The following DMD variants were observed in gnomAD, a reference collection of about 807,000 sequenced individuals.
The protein encoded by DMD is mutant dystrophin.
In DMD, 63 loss-of-function variants were observed where a neutral mutation model predicts 330.1. That is an observed-to-expected ratio of 0.19 (90% confidence interval 0.16 to 0.24). The LOEUF (loss-of-function observed/expected upper bound fraction) is 0.24. Ranked by LOEUF, DMD falls within the 10% of genes least tolerant of loss-of-function variation. The probability of loss-of-function intolerance (pLI) is 1.00; values close to 1 mark genes in which losing one functional copy is unlikely to be tolerated. For synonymous variants in DMD, 1,223 were observed against 959.8 expected, an observed-to-expected ratio of 1.27 and a Z score of -5.07; for missense variants, 3,344 against 2,684.1, an observed-to-expected ratio of 1.25 and a Z score of -5.43.
chrX:31,748,091 A>G (rs1054896509), intron 51 of DMD, among the ~76,000 whole-genome samples: 1 of 111,667 alleles, frequency 9.0e-6, no homozygotes, highest in African/African-American at 3.3e-5. Flanking sequence ...CAGTATCTCA[A>G]TGTTCTCTGC....
intron 2 of DMD, among the ~76,000 whole-genome samples, chrX:32,930,643 G>C (rs2089503465): frequency 9.1e-6 from 1 of 110,257 alleles, no homozygotes; most frequent in Non-Finnish European, 1.9e-5. Context: ...CAGATACTAT[G>C]AAATTACATT....
chrX:31,481,922 A>T (rs914576741), intron 57 of DMD, among the ~76,000 whole-genome samples: 1 of 111,553 alleles, frequency 9.0e-6, no homozygotes. Context: ...CAGGCCTGTT[A>T]TGTTTCCACA....
chrX:32,550,991 A>T (rs1235281795), intron 16 of DMD, among the ~76,000 whole-genome samples: 3 of 111,169 alleles, frequency 2.7e-5, no homozygotes, highest in African/African-American at 9.8e-5. Flanking sequence ...TAAATTAGGA[A>T]CAAAAAGCCC....
At chrX:32,841,411 C>T (rs761221151) in intron 4 of DMD, among the ~76,000 whole-genome samples, 5 of 111,495 alleles carry the variant, frequency 4.5e-5, no homozygotes, top group Non-Finnish European at 9.4e-5. Flanking sequence ...AATAAAATCT[C>T]GAACAAAGTG....
intron 7 of DMD, among the ~76,000 whole-genome samples, chrX:32,754,409 A>T (rs1345255508): frequency 9.1e-6 from 1 of 110,431 alleles, no homozygotes; most frequent in African/African-American, 3.3e-5. Context: ...TGTGTATTCT[A>T]TATACAGAGC....
chrX:32,670,428 G>C (rs2061562113), intron 9 of DMD, among the ~76,000 whole-genome samples: 1 of 111,870 alleles, frequency 8.9e-6, no homozygotes, highest in African/African-American at 3.2e-5. Flanking sequence ...AGGAATTCAA[G>C]ATGCCTAGGT....
chrX:31,190,611 GAGGGGGAGGGCGGGGA>G (rs2042236372), intron 67 of DMD, among the ~76,000 whole-genome samples: 2 of 10,119 alleles, frequency 2.0e-4, no homozygotes, highest in Non-Finnish European at 2.5e-4. Flanking sequence ...GGGGGGGGGG[GAGGGGGAGGGCGGGGA>G]GGGGGTGCTA....
chrX:31,868,497 G>GA (rs1296731504), intron 48 of DMD, among the ~76,000 whole-genome samples: 86 of 111,490 alleles, frequency 7.7e-4, no homozygotes, highest in Non-Finnish European at 1.3e-3. Context: ...AGACATAATT[G>GA]AAAAAAATAT....
At chrX:31,939,312 G>C (rs889381543) in intron 45 of DMD, among the ~76,000 whole-genome samples, 5 of 111,778 alleles carry the variant, frequency 4.5e-5, no homozygotes, top group African/African-American at 1.6e-4. Context: ...TTTCCCTAAA[G>C]TTTGTGTCTT....
intron 1 of DMD, among the ~76,000 whole-genome samples, chrX:33,312,261 T>C (rs1296455755): frequency 9.0e-6 from 1 of 111,144 alleles, no homozygotes; most frequent in Non-Finnish European, 1.9e-5. Flanking sequence ...AAATACAGTA[T>C]TCGCAGAATG....
At chrX:32,158,142 C>A (rs1237526723) in intron 44 of DMD, among the ~76,000 whole-genome samples, 1 of 111,658 alleles carries the variant, frequency 9.0e-6, no homozygotes, top group Non-Finnish European at 1.9e-5. Flanking sequence ...GTCATTTAAA[C>A]TTTCTGGCTT....
rs779012144 is a variant in DMD at position 31,766,739 on chromosome X, A to G, written c.7542+7221T>C. 4.5e-5 allele frequency among the ~76,000 whole-genome samples: 5 copies of G among 112,064 alleles called. No homozygotes were observed. The East Asian group carries it at 1.4e-3, about 31-fold the overall frequency. On this transcript the variant is annotated intron_variant, in intron 51 of 78. Coordinates refer to ENST00000357033, the MANE Select transcript of DMD (RefSeq NM_004006.3). ...GTGAATTGAATTAAAATATAATAAG[A>G]TACACATTTCCATTCATAGACTTTG...
chrX:32,165,994 TC>T (rs1421967476), intron 44 of DMD, among the ~76,000 whole-genome samples: 1 of 111,173 alleles, frequency 9.0e-6, no homozygotes, highest in East Asian at 2.8e-4. Context: ...TCCTGAGGCC[TC>T]CCCAGCCATA....
intron 2 of DMD, among the ~76,000 whole-genome samples, chrX:32,899,279 T>C (rs952139317): frequency 2.7e-5 from 3 of 112,198 alleles, no homozygotes; most frequent in African/African-American, 9.7e-5. Flanking sequence ...GGTATTTTAA[T>C]TGTGGACTCC....
chrX:32,243,955 C>CTTTTTTT (rs145842581), intron 43 of DMD, among the ~76,000 whole-genome samples: 1 of 101,575 alleles, frequency 9.8e-6, no homozygotes, highest in Non-Finnish European at 2.0e-5. Context: ...GAGGAACGAA[C>CTTTTTTT]TTTTTTTTTT....
intron 44 of DMD, among the ~76,000 whole-genome samples, chrX:32,100,745 C>T (rs773011600): frequency 1.8e-5 from 2 of 111,367 alleles, no homozygotes; most frequent in African/African-American, 6.5e-5. Flanking sequence ...GTTCAAAGCC[C>T]GCCTTTTGGG....
At chrX:31,256,550 ATT>A (rs898115768) in intron 63 of DMD, among the ~76,000 whole-genome samples, 2 of 102,498 alleles carry the variant, frequency 2.0e-5, no homozygotes, top group African/African-American at 7.0e-5. Flanking sequence ...ATTATCTTAT[ATT>A]GTTTTTTATC....
chrX:32,350,341 A>C (rs1385412428), intron 37 of DMD, among the ~76,000 whole-genome samples: 1 of 111,373 alleles, frequency 9.0e-6, no homozygotes, highest in Non-Finnish European at 1.9e-5. Context: ...TCCAATAGCC[A>C]GCTGAATTTT....
intron 41 of DMD, among the ~76,000 whole-genome samples, chrX:32,319,060 T>C (rs2097596830): frequency 8.9e-6 from 1 of 111,935 alleles, no homozygotes; most frequent in Middle Eastern, 4.2e-3. Context: ...AATGTGTTAA[T>C]GGCTTATAGT....
Sources: allele counts gnomAD v4.1 joint callset (sites outside exome capture counted in the v4.1 genomes callset), GRCh38; gene constraint gnomAD v4.1.1; transcripts MANE v1.5; gene names NCBI Gene and HGNC (gene_info 2026-07-23, HGNC 2026-07-21).